Variants in ZNF487 observed in about 807,000 individuals in gnomAD.
ZNF487 encodes zinc finger protein 487.
In ZNF487, 4 loss-of-function variants were observed where a neutral mutation model predicts 3.0. That is an observed-to-expected ratio of 1.35 (90% CI 0.66 to 3.08). The LOEUF (loss-of-function observed/expected upper bound fraction) is 3.08. ZNF487 is among the 30% of genes most tolerant of loss of function. The pLI, the probability that ZNF487 is intolerant of heterozygous loss-of-function variation, is 0.01. For synonymous variants in ZNF487, 55 were observed against 34.6 expected (o/e 1.59, Z -2.06); for missense variants, 146 against 98.7 (o/e 1.48, Z -2.03).
chr10:43,437,384 G>C (rs546195873), intron 1 of ZNF487, 122 bp downstream of exon 1: 1 of 160,868 alleles, frequency 6.2e-6, no homozygotes, highest in Admixed American at 6.5e-5. Flanking sequence ...ATCAGGGCGA[G>C]TCGTGGCAGA....
chr10:43,446,985 AG>A (rs1374598670), intron 1 of ZNF487, among the ~76,000 whole-genome samples: 1 of 152,062 alleles, frequency 6.6e-6, no homozygotes, highest in African/African-American at 2.4e-5. Flanking sequence ...CGAGGTCAGG[AG>A]CTGGAGACCA....
intron 1 of ZNF487, among the ~76,000 whole-genome samples, chr10:43,451,406 T>C (rs1431530673): frequency 6.7e-6 from 1 of 150,368 alleles, no homozygotes; most frequent in Non-Finnish European, 1.5e-5. Context: ...CCACCAGGCC[T>C]GGCTAATTTT....
the ZNF487 span, among the ~76,000 whole-genome samples, chr10:43,523,082 C>G: frequency 6.6e-6 from 1 of 152,064 alleles, no homozygotes; most frequent in Admixed American, 6.6e-5. Context: ...TTTTCATATT[C>G]AGTTTGTTTT....
At chr10:43,441,487 G>A (rs764349409) in intron 1 of ZNF487, among the ~76,000 whole-genome samples, 2 of 151,984 alleles carry the variant, frequency 1.3e-5, no homozygotes, top group African/African-American at 4.8e-5. Flanking sequence ...GGTTGGTCTC[G>A]AACTCCTGAC....
At chr10:43,456,680 A>G (rs1416704682) in intron 1 of ZNF487, among the ~76,000 whole-genome samples, 1 of 152,120 alleles carries the variant, frequency 6.6e-6, no homozygotes, top group Non-Finnish European at 1.5e-5. Flanking sequence ...TCCCGGGTTC[A>G]AGCGATTCTC....
downstream of ZNF487, among the ~76,000 whole-genome samples, chr10:43,486,526 C>CA (rs932389122): frequency 6.6e-3 from 810 of 121,946 alleles, 5 homozygotes; most frequent in Middle Eastern, 0.045. Flanking sequence ...AACTCCTTCT[C>CA]AAAAAAAAAA....
At chr10:43,519,238 GTTC>G in the ZNF487 span, among the ~76,000 whole-genome samples, 1 of 151,978 alleles carries the variant, frequency 6.6e-6, no homozygotes, top group African/African-American at 2.4e-5. Flanking sequence ...TTGTTTTGCA[GTTC>G]TTGTTTCACT....
Position 43,482,873 on chromosome 10 carries a change from C to T in ZNF487, c.*951C>T, listed in dbSNP as rs1841416940. On this transcript the variant is annotated 3_prime_UTR_variant, in exon 4 of 4. Transcript: ENST00000437590. ...AGAAAATGTTCTACCACAAGTCATCCCTCACAGTACATCAGAGAACCCACA... is the reference window on the plus strand; with the variant it reads ...AGAAAATGTTCTACCACAAGTCATCTCTCACAGTACATCAGAGAACCCACA... The T allele has an allele frequency of 1.9e-6, 1 of 529,418 alleles. No individual in the cohort carries two copies. Among genetic ancestry groups the T allele is most frequent in the Admixed American group, 2.0e-5 (1 of 50,842 alleles). The allele number at this position is 529,418 out of a possible 1,614,324, so 32.8% of individuals were successfully genotyped here. A position where few individuals can be genotyped will look rare whatever the true frequency, so the allele number is the denominator to read the frequency against.
At chr10:43,507,649 G>T in the ZNF487 span, among the ~76,000 whole-genome samples, 3 of 152,318 alleles carry the variant, frequency 2.0e-5, no homozygotes, top group South Asian at 6.2e-4. Context: ...TAGTATGGCT[G>T]CTTACCAAGA....
At chr10:43,500,846 T>C in the ZNF487 span, among the ~76,000 whole-genome samples, 1 of 152,104 alleles carries the variant, frequency 6.6e-6, no homozygotes, top group African/African-American at 2.4e-5. Context: ...AAAAGTATAT[T>C]GAAAAGCATT....
the ZNF487 span, among the ~76,000 whole-genome samples, chr10:43,507,887 C>T: frequency 8.5e-5 from 13 of 152,316 alleles, no homozygotes; most frequent in African/African-American, 2.9e-4. Flanking sequence ...AAAGCTGCAA[C>T]TTATTGTGGC....
chr10:43,521,411 T>G, the ZNF487 span, among the ~76,000 whole-genome samples: 1 of 152,162 alleles, frequency 6.6e-6, no homozygotes, highest in African/African-American at 2.4e-5. Flanking sequence ...AGACAGTACT[T>G]CAGTCCTACA....
the ZNF487 span, among the ~76,000 whole-genome samples, chr10:43,514,123 AGTTTGTTTTTTT>A: frequency 6.6e-6 from 1 of 151,832 alleles, no homozygotes; most frequent in East Asian, 1.9e-4. Context: ...GTGATTCTCT[AGTTTGTTTTTTT>A]GTTTGTTTTT....
At chr10:43,441,342 T>C (rs1380341083) in intron 1 of ZNF487, among the ~76,000 whole-genome samples, 1 of 152,024 alleles carries the variant, frequency 6.6e-6, no homozygotes, top group Non-Finnish European at 1.5e-5. Context: ...CTCGGCTCAC[T>C]GCAACTTCCG....
the ZNF487 span, among the ~76,000 whole-genome samples, chr10:43,521,875 T>C: frequency 1.3e-5 from 2 of 150,194 alleles, no homozygotes; most frequent in Non-Finnish European, 3.0e-5. Context: ...GTATATATTA[T>C]ATATTATATG....
the ZNF487 span, among the ~76,000 whole-genome samples, chr10:43,489,455 GC>G: frequency 3.6e-4 from 55 of 152,272 alleles, no homozygotes; most frequent in Admixed American, 1.8e-3. Context: ...CTGGGTTCAA[GC>G]AATTCTCATG....
chr10:43,482,840 T>C lies in ZNF487; in HGVS notation c.*918T>C, dbSNP rs1388713909. 1 of 527,114 alleles carries C rather than the reference T, an allele frequency of 1.9e-6. No homozygotes were observed. Among genetic ancestry groups the C allele is most frequent in the Non-Finnish European group, 3.9e-6 (1 of 256,554 alleles). 32.7% of individuals were successfully genotyped at this position (527,114 alleles called of 1,614,324 possible). A position where few individuals can be genotyped will look rare whatever the true frequency, so the allele number is the denominator to read the frequency against. On this transcript the variant is annotated 3_prime_UTR_variant, in exon 4 of 4. Transcript: ENST00000437590. The stretch of plus-strand genomic sequence containing the variant: ...CAGGGGAGAAACCCTATGAATGTAA[T>C]GAATGTGAGAAAATGTTCTACCACA...
chr10:43,439,260 C>T (rs1839491958), intron 1 of ZNF487, among the ~76,000 whole-genome samples: 1 of 151,654 alleles, frequency 6.6e-6, no homozygotes, highest in Non-Finnish European at 1.5e-5. Context: ...ATCAGCTGGG[C>T]ATTGTGGCAT....
chr10:43,471,194 G>A (rs1048680158), intron 1 of ZNF487, among the ~76,000 whole-genome samples: 10 of 152,056 alleles, frequency 6.6e-5, no homozygotes, highest in South Asian at 6.2e-4. Context: ...GGCCCATTGC[G>A]CTCAACCCCT....
Sources: gnomAD v4.1 joint callset for allele counts (sites outside exome capture counted in the v4.1 genomes callset) on GRCh38, gnomAD v4.1.1 for gene constraint, MANE v1.5 for transcripts, NCBI Gene and HGNC (gene_info 2026-07-23, HGNC 2026-07-21) for gene names.